The following ZNF536 variants were observed in gnomAD, a reference collection of about 807,000 sequenced individuals.
The protein encoded by ZNF536 is zinc finger protein 536.
ZNF536 carries 13 observed loss-of-function variants against 84.5 expected under a neutral mutation model. That is an observed-to-expected ratio of 0.15 (90% CI 0.10 to 0.24). The LOEUF (loss-of-function observed/expected upper bound fraction) is 0.24, where lower values mean the gene tolerates loss of function less well. Ranked by LOEUF, ZNF536 falls within the 10% of genes least tolerant of loss-of-function variation. The pLI is 1.00. For missense variants in ZNF536, 1,536 were observed against 1,747.5 expected, an observed-to-expected ratio of 0.88 and a Z score of 2.16; for synonymous variants, 811 against 742.5, an observed-to-expected ratio of 1.09 and a Z score of -1.50.
chr19:30,261,012 C>T (rs1241538508), intron 1 of ZNF536, among the ~76,000 whole-genome samples: 1 of 151,838 alleles, frequency 6.6e-6, no homozygotes, highest in East Asian at 1.9e-4. Flanking sequence ...AAAAATATAA[C>T]TAGCGGCCGG....
At chr19:30,360,128 C>T (rs1428926295) in intron 3 of ZNF536, among the ~76,000 whole-genome samples, 1 of 152,204 alleles carries the variant, frequency 6.6e-6, no homozygotes, top group Non-Finnish European at 1.5e-5. Context: ...GGGGCAGGCC[C>T]CCAGATAGCT....
intron 2 of ZNF536, among the ~76,000 whole-genome samples, chr19:30,292,435 G>A (rs534782706): frequency 6.6e-6 from 1 of 151,608 alleles, no homozygotes; most frequent in African/African-American, 2.4e-5. Context: ...CTGGGCCCAA[G>A]CCATCCTCTT....
intron 1 of ZNF536, among the ~76,000 whole-genome samples, chr19:30,705,653 A>C (rs1201336482): frequency 1.3e-5 from 2 of 152,206 alleles, no homozygotes; most frequent in Non-Finnish European, 2.9e-5. Flanking sequence ...CTGTGGAATG[A>C]AGGTCTTCAG....
intron 1 of ZNF536, among the ~76,000 whole-genome samples, chr19:30,641,022 G>T (rs996227044): frequency 6.6e-6 from 1 of 152,186 alleles, no homozygotes; most frequent in Admixed American, 6.5e-5. Context: ...TTCAGCTTCA[G>T]TACCGCTTAG....
At chr19:30,537,516 A>G (rs1425504687) in intron 3 of ZNF536, among the ~76,000 whole-genome samples, 5 of 152,216 alleles carry the variant, frequency 3.3e-5, no homozygotes, top group African/African-American at 9.6e-5. Flanking sequence ...TGTAAGAGTC[A>G]GTGAGGAAAG....
chr19:30,535,567 T>C (rs1187462846), intron 3 of ZNF536, among the ~76,000 whole-genome samples: 1 of 152,128 alleles, frequency 6.6e-6, no homozygotes, highest in East Asian at 1.9e-4. Context: ...GAGATGCTCT[T>C]AGGCAAAGGG....
chr19:30,708,753 C>G (rs1042678440), intron 1 of ZNF536, among the ~76,000 whole-genome samples: 1 of 152,208 alleles, frequency 6.6e-6, no homozygotes, highest in East Asian at 1.9e-4. Flanking sequence ...AAGAATTTAG[C>G]ACTGGGTGCA....
Position 30,548,088 on chromosome 19 carries a change from T to C in ZNF536, c.2469T>C (p.Asp823=), listed in dbSNP as rs1469705. ...SGQPPNQDHK[D]EMSSKASLFI... ...AACCCCCAAATCAAGACCACAAGGATGAGATGTCAAGCAAAGCTTCTCTGT... is the reference window on the plus strand; with the variant it reads ...AACCCCCAAATCAAGACCACAAGGACGAGATGTCAAGCAAAGCTTCTCTGT... Residue 823 remains aspartate (D), a synonymous_variant, in exon 4 of 5, where the codon GAT becomes GAC. Coordinates refer to ENST00000355537, the MANE Select transcript of ZNF536 (RefSeq NM_014717.3). The C allele has an allele frequency of 0.3, 487,887 of 1,613,764 alleles. 76,567 individuals are homozygous for C. The highest frequency in any genetic ancestry group is 0.49 in the African/African-American group (36,369 of 74,920).
At chr19:30,668,061 G>A (rs1262124798) in intron 1 of ZNF536, among the ~76,000 whole-genome samples, 1 of 152,072 alleles carries the variant, frequency 6.6e-6, no homozygotes, top group African/African-American at 2.4e-5. Flanking sequence ...TAAAATAACT[G>A]GAGTGCCCTT....
intron 2 of ZNF536, among the ~76,000 whole-genome samples, chr19:30,457,985 G>A (rs960938587): frequency 2.6e-5 from 4 of 152,216 alleles, no homozygotes; most frequent in African/African-American, 9.6e-5. Flanking sequence ...GGCTTGCTAT[G>A]AGAATGGGTG....
intron 1 of ZNF536, among the ~76,000 whole-genome samples, chr19:30,428,725 C>G (rs2051320818): frequency 6.6e-6 from 1 of 152,162 alleles, no homozygotes; most frequent in South Asian, 2.1e-4. Flanking sequence ...TACAGAGTGT[C>G]CAACATCAGA....
rs930879668 is a variant in ZNF536, at chr19:30,332,093, G to A, written c.-119-20275G>A. On this transcript the variant is annotated intron_variant, in intron 2 of 5. Transcript: ENST00000585628. ...GGTGTCACTCAGAATCCATGGCCAC[G>A]GGCATCAAATGGGCCCTCAGCATGC... Among the ~76,000 whole-genome samples the A allele has an allele frequency of 7.2e-5, 11 of 152,254 alleles. No homozygotes were observed. In the Middle Eastern group the frequency reaches 0.01, roughly 141 times the overall value.
chr19:30,636,725 AT>A (rs761275166), intron 1 of ZNF536, among the ~76,000 whole-genome samples: 52 of 152,242 alleles, frequency 3.4e-4, no homozygotes, highest in Non-Finnish European at 6.6e-4. Flanking sequence ...ATGGAAGCAC[AT>A]GTTTCAATGT....
intron 2 of ZNF536, among the ~76,000 whole-genome samples, chr19:30,518,543 G>C (rs974927700): frequency 2.0e-5 from 3 of 152,188 alleles, no homozygotes; most frequent in African/African-American, 7.2e-5. Context: ...GCAACATTTA[G>C]TTGTCTCTCT....
chr19:30,476,532 G>A lies in ZNF536; in HGVS notation c.2170+30800G>A, dbSNP rs141785826. 9.8e-4 allele frequency among the ~76,000 whole-genome samples: 149 copies of A among 152,340 alleles called. 1 individual carries two copies. In the East Asian group the frequency reaches 0.018, roughly 18 times the overall value. On this transcript the variant is annotated intron_variant, in intron 2 of 4. Coordinates refer to ENST00000355537, the MANE Select transcript of ZNF536 (RefSeq NM_014717.3). ...GATGGGCAGCAATAAATGTCAAACTGTTCAACATTGATTGTTCGTGAAGGA... is the reference window on the plus strand; with the variant it reads ...GATGGGCAGCAATAAATGTCAAACTATTCAACATTGATTGTTCGTGAAGGA...
intron 2 of ZNF536, among the ~76,000 whole-genome samples, chr19:30,287,719 T>G (rs2045696290): frequency 7.3e-6 from 1 of 137,242 alleles, no homozygotes; most frequent in African/African-American, 2.8e-5. Flanking sequence ...AGTGGATGGA[T>G]GGGTGGGTGG....
chr19:30,564,541 G>A (rs1229138300), intron 1 of ZNF536, among the ~76,000 whole-genome samples: 3 of 152,090 alleles, frequency 2.0e-5, no homozygotes, highest in Non-Finnish European at 4.4e-5. Flanking sequence ...GGTCCTGGTG[G>A]TCAGGCTGGG....
At chr19:30,670,666 C>T (rs1223929194) in intron 1 of ZNF536, among the ~76,000 whole-genome samples, 3 of 152,220 alleles carry the variant, frequency 2.0e-5, no homozygotes, top group Non-Finnish European at 4.4e-5. Context: ...GGCTCTTCCT[C>T]GTGGAGTCTG....
At chr19:30,538,661 G>A (rs986719948) in intron 3 of ZNF536, among the ~76,000 whole-genome samples, 2 of 152,166 alleles carry the variant, frequency 1.3e-5, no homozygotes, top group African/African-American at 4.8e-5. Flanking sequence ...GAGTCCCTAA[G>A]GCCATCAGAT....
Sources: allele counts gnomAD v4.1 joint callset (sites outside exome capture counted in the v4.1 genomes callset), GRCh38; gene constraint gnomAD v4.1.1; transcripts MANE v1.5; gene names NCBI Gene and HGNC (gene_info 2026-07-23, HGNC 2026-07-21).